Variants in SHLD2 observed in about 807,000 individuals in gnomAD.
SHLD2 encodes shieldin complex subunit 2.
In SHLD2, 30 loss-of-function variants were observed where a neutral mutation model predicts 73.2. The observed-to-expected ratio is 0.41, with a 90% confidence interval of 0.31 to 0.56. SHLD2 has a LOEUF of 0.56. SHLD2 is among the 20% of genes least tolerant of loss of function. SHLD2 has a pLI of 0.28. For missense variants in SHLD2, 745 were observed against 1,055.9 expected (o/e 0.71, Z 4.08); for synonymous variants, 285 against 370.1 (o/e 0.77, Z 2.64).
In SHLD2 at chr10:87,152,385, G is replaced by A; in HGVS notation, c.1031G>A (p.Ser344Asn). ...CATACAGGATCTCAAGAACTTTTCAGTTCTGAAGATGAACTGCCACCAAAT... is the reference window on the plus strand; with the variant it reads ...CATACAGGATCTCAAGAACTTTTCAATTCTGAAGATGAACTGCCACCAAAT... ...EEHTGSQELF[S>N]SEDELPPNEI... is the part of the protein sequence containing the mutation. Residue 344 changes from serine (S) to asparagine (N), a missense_variant, in exon 3 of 10, where the codon AGT (serine) becomes AAT (asparagine). Coordinates refer to ENST00000298786, the MANE Select transcript of SHLD2 (RefSeq NM_001330112.2). 1.3e-6 allele frequency: 2 copies of A among 1,574,860 alleles called. No homozygotes were observed. The highest frequency in any genetic ancestry group is 8.7e-7 in the Non-Finnish European group (1 of 1,152,968).
At chr10:87,094,884 C>T (rs1841695172), upstream of SHLD2, 9 of 740,360 alleles carry the variant, frequency 1.2e-5, no homozygotes, top group African/African-American at 3.7e-5. This position sits in a 1 kb window ranked among gnomAD's most constrained non-coding sequence, Gnocchi z 6.6. Flanking sequence ...CCGCAGCTTC[C>T]TGCTTGCCCG....
chr10:87,114,766 T>C (rs1399320341), intron 2 of SHLD2, among the ~76,000 whole-genome samples: 1 of 151,936 alleles, frequency 6.6e-6, no homozygotes, highest in Admixed American at 6.6e-5. Flanking sequence ...GTCAGTACTC[T>C]AGGGAAGAAA....
At chr10:87,178,115 A>G (rs1165070249) in intron 7 of SHLD2, among the ~76,000 whole-genome samples, 1 of 151,440 alleles carries the variant, frequency 6.6e-6, no homozygotes, top group African/African-American at 2.4e-5. Flanking sequence ...GGGTGCCTGT[A>G]GTCCCAGCTA....
chr10:87,115,036 G>A (rs1371826667), intron 2 of SHLD2, among the ~76,000 whole-genome samples: 2 of 151,988 alleles, frequency 1.3e-5, no homozygotes, highest in Non-Finnish European at 2.9e-5. Flanking sequence ...GTGGACCAGA[G>A]TTATAAGTCA....
chr10:87,147,288 A>G (rs559631391), intron 2 of SHLD2, among the ~76,000 whole-genome samples: 72 of 152,196 alleles, frequency 4.7e-4, no homozygotes, highest in African/African-American at 1.6e-3. Flanking sequence ...GATATGTGGT[A>G]GTTATATGAA....
intron 2 of SHLD2, among the ~76,000 whole-genome samples, chr10:87,129,604 A>T (rs1844281583): frequency 6.6e-6 from 1 of 152,172 alleles, no homozygotes; most frequent in Non-Finnish European, 1.5e-5. Flanking sequence ...TCCTAAGTTT[A>T]ATTTCCAAGG....
chr10:87,158,253 T>C (rs1488567585), intron 4 of SHLD2, 98 bp downstream of exon 4: 1 of 1,267,672 alleles, frequency 7.9e-7, no homozygotes, highest in Admixed American at 2.7e-5. Flanking sequence ...CAAAATGTTT[T>C]CTAAACAGTT....
chr10:87,185,109 C>T (rs1299326727), intron 8 of SHLD2, among the ~76,000 whole-genome samples: 2 of 152,090 alleles, frequency 1.3e-5, no homozygotes, highest in Admixed American at 6.6e-5. Flanking sequence ...ATGGCAACTA[C>T]GAATCTGCTT....
intron 2 of SHLD2, among the ~76,000 whole-genome samples, chr10:87,122,173 C>CAAAAAAAAAAAAA (rs10706744): frequency 1.2e-5 from 1 of 86,420 alleles, no homozygotes; most frequent in African/African-American, 4.7e-5. Context: ...CACTGACTGT[C>CAAAAAAAAAAAAA]AAAAAAAAAA....
chr10:87,137,263 G>C (rs998367537), intron 2 of SHLD2, among the ~76,000 whole-genome samples: 1 of 152,092 alleles, frequency 6.6e-6, no homozygotes, highest in Non-Finnish European at 1.5e-5. Context: ...TGCTTGAAAA[G>C]ATGGGGATTT....
chr10:87,166,126 T>C (rs1382609704), intron 4 of SHLD2, among the ~76,000 whole-genome samples: 1 of 152,096 alleles, frequency 6.6e-6, no homozygotes, highest in Non-Finnish European at 1.5e-5. Flanking sequence ...AGGATACTAC[T>C]ATTACTACTT....
rs114972852 is a variant in SHLD2, at chr10:87,187,838, C to T, written c.2515+638C>T. Among the ~76,000 whole-genome samples the T allele has an allele frequency of 2.9e-3, 447 of 152,182 alleles. 2 individuals are homozygous for T. Among genetic ancestry groups the T allele is most frequent in the African/African-American group, 0.01 (430 of 41,526 alleles). On this transcript the variant is annotated intron_variant, in intron 9 of 9. Transcript: ENST00000298786. ...TGTACCTGGAAACAGGCATGCCTCT[C>T]GGTCCTTTACTGGAGGTGAGGGGTG... is the stretch of plus-strand genomic sequence containing the variant.
chr10:87,148,365 G>A (rs907068158), intron 2 of SHLD2, among the ~76,000 whole-genome samples: 2 of 152,150 alleles, frequency 1.3e-5, no homozygotes, highest in African/African-American at 4.8e-5. Context: ...AGTCAAAAAA[G>A]CGGAATGTTT....
At chr10:87,185,619 A>G (rs1349522537) in intron 8 of SHLD2, among the ~76,000 whole-genome samples, 1 of 152,180 alleles carries the variant, frequency 6.6e-6, no homozygotes, top group Non-Finnish European at 1.5e-5. Context: ...TTCGGGTCGT[A>G]TCTAAGAAAG....
intron 6 of SHLD2, among the ~76,000 whole-genome samples, chr10:87,174,364 T>C (rs1261874029): frequency 2.7e-5 from 4 of 149,442 alleles, no homozygotes; most frequent in Non-Finnish European, 1.5e-5. Flanking sequence ...GTTAACTGCT[T>C]ATTTAGGGTG....
intron 2 of SHLD2, among the ~76,000 whole-genome samples, chr10:87,143,691 ATT>A (rs1036816365): frequency 1.3e-5 from 2 of 152,066 alleles, no homozygotes; most frequent in African/African-American, 4.8e-5. Flanking sequence ...TTAATAGAAT[ATT>A]TATTCATGTG....
chr10:87,124,523 G>T (rs1564585642), intron 2 of SHLD2, among the ~76,000 whole-genome samples: 2 of 152,068 alleles, frequency 1.3e-5, no homozygotes, highest in Non-Finnish European at 2.9e-5. Context: ...GTAACAGAAT[G>T]AGACCCTATC....
intron 6 of SHLD2, among the ~76,000 whole-genome samples, chr10:87,174,586 T>C (rs1216411881): frequency 6.8e-6 from 1 of 146,740 alleles, no homozygotes; most frequent in African/African-American, 2.5e-5. Flanking sequence ...AAAAAAAAAA[T>C]CTCTAGTGAA....
chr10:87,179,203 G>A (rs918147256), intron 7 of SHLD2, among the ~76,000 whole-genome samples: 42 of 152,222 alleles, frequency 2.8e-4, no homozygotes, highest in Admixed American at 2.6e-4. Flanking sequence ...GAATGGATGA[G>A]CCATTAGCAG....
Sources: allele counts gnomAD v4.1 joint callset (sites outside exome capture counted in the v4.1 genomes callset), GRCh38; gene constraint gnomAD v4.1.1; non-coding constraint Gnocchi (gnomAD v3.1); transcripts MANE v1.5; gene names NCBI Gene and HGNC (gene_info 2026-07-23, HGNC 2026-07-21).